The following CD109 variants were observed in gnomAD, a reference collection of about 807,000 sequenced individuals.
CD109 encodes CD109 antigen.
CD109 carries 149 observed loss-of-function variants against 165.8 expected under a neutral mutation model. The ratio of observed to expected loss-of-function variants is 0.90; its 90% CI spans 0.79 to 1.03. The LOEUF is 1.03. Among genes scored for constraint, CD109 ranks in the 50% least tolerant of loss-of-function variants. The pLI is 0.00. For missense variants in CD109, 1,712 were observed against 1,677.8 expected (o/e 1.02, Z -0.36); for synonymous variants, 585 against 592.1 (o/e 0.99, Z 0.18).
At chr6:73,705,600 A>C (rs1030844839) in intron 2 of CD109, among the ~76,000 whole-genome samples, 2 of 151,846 alleles carry the variant, frequency 1.3e-5, no homozygotes, top group Admixed American at 6.6e-5. Flanking sequence ...AGCCTGGGTA[A>C]CAAAGCATGG....
At chr6:73,813,274 C>T (rs894552818) in intron 29 of CD109, among the ~76,000 whole-genome samples, 4 of 152,118 alleles carry the variant, frequency 2.6e-5, no homozygotes, top group Non-Finnish European at 4.4e-5. Flanking sequence ...CTCAAGCTGT[C>T]TTGCAATCCA....
chr6:73,686,267 T>A, the CD109 span, among the ~76,000 whole-genome samples: 1 of 152,362 alleles, frequency 6.6e-6, no homozygotes, highest in South Asian at 2.1e-4. Flanking sequence ...TCTGAGGGGA[T>A]GAGCCCTGGA....
intron 22 of CD109, among the ~76,000 whole-genome samples, chr6:73,788,924 T>C (rs1364033262): frequency 1.3e-5 from 2 of 152,200 alleles, no homozygotes; most frequent in Non-Finnish European, 2.9e-5. Flanking sequence ...ATACTCTGGC[T>C]TGTAGACCAC....
chr6:73,791,128 CATACATACAT>C (rs1206687131), intron 22 of CD109, among the ~76,000 whole-genome samples: 2 of 90,454 alleles, frequency 2.2e-5, no homozygotes, highest in African/African-American at 4.9e-5. Flanking sequence ...CATATATATA[CATACATACAT>C]ATATATATAT....
intron 27 of CD109, 127 bp downstream of exon 27, chr6:73,810,301 T>G (rs1384511399): frequency 1.2e-4 from 35 of 285,280 alleles, no homozygotes; most frequent in Non-Finnish European, 3.9e-5. Context: ...AAAATATTTT[T>G]AAAAGTATGT....
At chr6:73,679,778 G>A in the CD109 span, among the ~76,000 whole-genome samples, 2 of 152,022 alleles carry the variant, frequency 1.3e-5, no homozygotes, top group African/African-American at 2.4e-5. Context: ...GGGATTATAG[G>A]CACGAGCCAC....
chr6:73,702,047 T>G (rs1030864959), intron 2 of CD109, among the ~76,000 whole-genome samples: 23 of 152,312 alleles, frequency 1.5e-4, no homozygotes, highest in African/African-American at 5.3e-4. Flanking sequence ...CACCATTTTT[T>G]AAATGCTGCC....
chr6:73,787,318 C>T lies in CD109; in HGVS notation c.2422C>T (p.Leu808Phe), dbSNP rs749991721. ...EINATGHQQTLLVPSEDGATV... is the reference protein window; with the variant it reads ...EINATGHQQTFLVPSEDGATV... ...AAATGCCACAGGCCACCAGCAGACC[C>T]TTCTGGTTCCCAGTGAGGATGGGGC... is the stretch of plus-strand genomic sequence containing the variant. The change falls in exon 21 of 33, where the codon CTT (leucine) becomes TTT (phenylalanine). Residue 808 changes from leucine (L) to phenylalanine (F), a missense_variant. Leu to Phe is a conservative substitution (Grantham distance 22, BLOSUM62 0). Transcript: ENST00000287097. 51 of 1,614,078 alleles carry T rather than the reference C, an allele frequency of 3.2e-5. No homozygotes were observed. In the East Asian group the frequency reaches 1.1e-3, roughly 35 times the overall value.
At chr6:73,686,699 TTTC>T in the CD109 span, among the ~76,000 whole-genome samples, 4 of 152,182 alleles carry the variant, frequency 2.6e-5, no homozygotes, top group Admixed American at 1.3e-4. Context: ...TCTCTCTTTC[TTTC>T]TTTTTTTGAG....
At position 73,762,404 on chromosome 6, in the gene CD109, T is replaced by C. The variant is rs757371111; in HGVS notation, c.779T>C (p.Val260Ala). 2 of 1,608,952 alleles carry C rather than the reference T, an allele frequency of 1.2e-6. No homozygotes were observed. Among genetic ancestry groups the C allele is most frequent in the Admixed American group, 1.7e-5 (1 of 59,914 alleles). Residue 260 changes from valine to alanine, a missense_variant, in exon 8 of 33, where the codon GTG (valine) becomes GCG (alanine). Coordinates refer to ENST00000287097, the MANE Select transcript of CD109 (RefSeq NM_133493.5). ...TTCAGGTATACATATGGGAAGCCAG[T>C]GAAAGGAGACGTAACGCTTACATTT... ...ITAKYTYGKP[V>A]KGDVTLTFLP...
intron 17 of CD109, among the ~76,000 whole-genome samples, chr6:73,781,845 A>T (rs1023406131): frequency 7.3e-5 from 11 of 151,636 alleles, no homozygotes; most frequent in African/African-American, 2.7e-4. Flanking sequence ...ACCCCTCATC[A>T]ATCTGAGTTC....
intron 2 of CD109, among the ~76,000 whole-genome samples, chr6:73,720,322 A>G (rs980870579): frequency 6.6e-6 from 1 of 152,234 alleles, no homozygotes; most frequent in Admixed American, 6.5e-5. Flanking sequence ...AGATGAACTC[A>G]TAGAAACAAA....
At chr6:73,709,376 C>T (rs1246144825) in intron 2 of CD109, among the ~76,000 whole-genome samples, 1 of 152,152 alleles carries the variant, frequency 6.6e-6, no homozygotes, top group Non-Finnish European at 1.5e-5. Flanking sequence ...GTTTTGGTAC[C>T]AGTACCATGC....
At chr6:73,768,539 G>A (rs16884078) in intron 14 of CD109, among the ~76,000 whole-genome samples, 14,328 of 152,188 alleles carry the variant, frequency 0.094, 1,943 homozygotes, top group African/African-American at 0.29. Context: ...TGAAATTCCA[G>A]TGGTAACATA....
At chr6:73,720,975 A>G (rs1181530789) in intron 2 of CD109, among the ~76,000 whole-genome samples, 1 of 152,132 alleles carries the variant, frequency 6.6e-6, no homozygotes, top group East Asian at 1.9e-4. Flanking sequence ...CCTTGCTCAT[A>G]TGGCTAATTT....
At chr6:73,819,439 A>C (rs1014972645) in intron 31 of CD109, among the ~76,000 whole-genome samples, 1 of 152,200 alleles carries the variant, frequency 6.6e-6, no homozygotes, top group African/African-American at 2.4e-5. Context: ...TTCTTATAGC[A>C]TCTATATGAG....
chr6:73,812,851 G>A (rs1775800973), intron 29 of CD109, among the ~76,000 whole-genome samples: 2 of 152,016 alleles, frequency 1.3e-5, no homozygotes, highest in African/African-American at 4.8e-5. Context: ...AGGACTTTAA[G>A]ATCATCTCAT....
chr6:73,810,597 T>G (rs1775718346), intron 27 of CD109, among the ~76,000 whole-genome samples: 1 of 152,048 alleles, frequency 6.6e-6, no homozygotes, highest in Non-Finnish European at 1.5e-5. Flanking sequence ...ATATGATCAT[T>G]TATGAGCAAA....
At chr6:73,817,958 T>C (rs1401363341) in intron 30 of CD109, among the ~76,000 whole-genome samples, 1 of 152,182 alleles carries the variant, frequency 6.6e-6, no homozygotes, top group African/African-American at 2.4e-5. Context: ...TATCACTAAG[T>C]GGTCAAGTGA....
Sources: allele counts gnomAD v4.1 joint callset (sites outside exome capture counted in the v4.1 genomes callset), GRCh38; gene constraint gnomAD v4.1.1; transcripts MANE v1.5; gene names NCBI Gene and HGNC (gene_info 2026-07-23, HGNC 2026-07-21).